EGF: variants seen among roughly 807,000 people sequenced by gnomAD.
EGF encodes pro-epidermal growth factor.
A neutral mutation model predicts 143.8 loss-of-function variants in EGF; 95 were observed. That is an observed-to-expected ratio of 0.66 (90% CI 0.56 to 0.78). The LOEUF (loss-of-function observed/expected upper bound fraction) is 0.78, where lower values mean the gene tolerates loss of function less well. Among genes scored for constraint, EGF ranks in the 30% least tolerant of loss-of-function variants. EGF has a pLI of 0.00. For synonymous variants in EGF, 510 were observed against 510.5 expected (o/e 1.00, Z 0.01); for missense variants, 1,320 against 1,470.9 (o/e 0.90, Z 1.68).
At chr4:109,930,197 G>A (rs1267055940) in intron 1 of EGF, among the ~76,000 whole-genome samples, 1 of 152,082 alleles carries the variant, frequency 6.6e-6, no homozygotes, top group African/African-American at 2.4e-5. Flanking sequence ...CCCAGTCTTG[G>A]GTATTTCTTT....
At chr4:109,943,579 A>T in intron 3 of EGF, 144 bp downstream of exon 3, 1 of 912,028 alleles carries the variant, frequency 1.1e-6, no homozygotes. Context: ...TTTCTATAGG[A>T]CAGTTGCCTG....
chr4:109,940,230 A>T (rs779461646), intron 1 of EGF, among the ~76,000 whole-genome samples: 2 of 152,196 alleles, frequency 1.3e-5, no homozygotes, highest in Non-Finnish European at 2.9e-5. Context: ...CAAGAAATCT[A>T]GTGAGGTTTG....
chr4:109,993,095 A>G (rs183597906), intron 18 of EGF, 152 bp from the exon 19 acceptor site: 1 of 681,146 alleles, frequency 1.5e-6, no homozygotes, highest in African/African-American at 1.9e-5. Context: ...TTTAAGTATA[A>G]TAAAAAATAT....
At chr4:109,989,728 G>C (rs1750666716) in intron 18 of EGF, among the ~76,000 whole-genome samples, 1 of 152,202 alleles carries the variant, frequency 6.6e-6, no homozygotes, top group African/African-American at 2.4e-5. Context: ...TTCCTTTGAA[G>C]AGAAAGGAAG....
At chr4:109,916,894 T>C (rs1216086684) in intron 1 of EGF, among the ~76,000 whole-genome samples, 2 of 152,186 alleles carry the variant, frequency 1.3e-5, no homozygotes, top group Non-Finnish European at 2.9e-5. Context: ...TTAAAAATTA[T>C]AGTCAAAATA....
At chr4:110,001,376 C>T (rs937984975) in intron 21 of EGF, among the ~76,000 whole-genome samples, 8 of 152,204 alleles carry the variant, frequency 5.3e-5, no homozygotes, top group Non-Finnish European at 7.4e-5. Context: ...TCTTGAGAGA[C>T]AAGATTCTTA....
intron 18 of EGF, among the ~76,000 whole-genome samples, chr4:109,992,169 T>TA (rs1751026862): frequency 3.1e-5 from 2 of 64,100 alleles, no homozygotes; most frequent in Non-Finnish European, 5.2e-5. Flanking sequence ...GCAAGATTCT[T>TA]TAAAAAAAAA....
rs562359214 is a variant in EGF, at chr4:109,973,196, G to A, written c.1725-1507G>A. On this transcript the variant is annotated intron_variant, in intron 11 of 23. Coordinates refer to ENST00000265171, the MANE Select transcript of EGF (RefSeq NM_001963.6). ...CAGGGATGCTATAGAGTCATGTTTA[G>A]CATTTAAATTCATCCAGTTTTCTCC... Among the ~76,000 whole-genome samples the A allele has an allele frequency of 8.5e-5, 13 of 152,220 alleles. No homozygotes were observed. The East Asian group carries it at 2.3e-3, about 27-fold the overall frequency.
intron 10 of EGF, among the ~76,000 whole-genome samples, chr4:109,967,142 T>G (rs1344829057): frequency 6.6e-6 from 1 of 152,122 alleles, no homozygotes. Flanking sequence ...AAGAGTTTCT[T>G]TTAGTTCTTC....
intron 1 of EGF, among the ~76,000 whole-genome samples, chr4:109,939,660 T>G (rs1741569830): frequency 6.6e-6 from 1 of 152,192 alleles, no homozygotes; most frequent in African/African-American, 2.4e-5. Context: ...TTGTTCCTAT[T>G]CGGCCATCTT....
chr4:109,933,413 TTC>T (rs1163794030), intron 1 of EGF, among the ~76,000 whole-genome samples: 3 of 137,504 alleles, frequency 2.2e-5, no homozygotes, highest in African/African-American at 7.6e-5. Context: ...CTTGTAGCAT[TTC>T]TTTTTTTTCT....
intron 1 of EGF, among the ~76,000 whole-genome samples, chr4:109,937,267 A>T (rs1351678973): frequency 6.6e-6 from 1 of 150,822 alleles, no homozygotes; most frequent in Non-Finnish European, 1.5e-5. Context: ...TGCTGCATTG[A>T]TCCCTTTACC....
At chr4:110,002,825 C>G (rs1051303052) in intron 21 of EGF, among the ~76,000 whole-genome samples, 3 of 152,170 alleles carry the variant, frequency 2.0e-5, no homozygotes, top group African/African-American at 7.2e-5. Context: ...ACCCTCCACC[C>G]TCAGGTAGCC....
intron 5 of EGF, among the ~76,000 whole-genome samples, chr4:109,947,569 A>G (rs947207656): frequency 1.8e-4 from 27 of 152,272 alleles, no homozygotes; most frequent in African/African-American, 6.5e-4. Flanking sequence ...GGTAGTGTAG[A>G]TAGTCTACAT....
At chr4:109,999,337 T>C (rs1359277151) in intron 20 of EGF, among the ~76,000 whole-genome samples, 4 of 152,196 alleles carry the variant, frequency 2.6e-5, no homozygotes, top group African/African-American at 9.6e-5. Flanking sequence ...CTCCCTTGGC[T>C]CTTAGGGCAG....
chr4:109,978,840 C>G (rs1332854838), intron 13 of EGF, among the ~76,000 whole-genome samples: 1 of 152,088 alleles, frequency 6.6e-6, no homozygotes, highest in Non-Finnish European at 1.5e-5. Flanking sequence ...TCTTAATGAC[C>G]CTGATCAACA....
intron 1 of EGF, among the ~76,000 whole-genome samples, chr4:109,926,156 C>T (rs1159619550): frequency 6.6e-6 from 1 of 152,060 alleles, no homozygotes; most frequent in African/African-American, 2.4e-5. Context: ...AGTTTGTGAC[C>T]AGCCTAGGCA....
chr4:109,968,707 T>TCTATCTATCTAGCTACCTACCTACCTAC lies in EGF; in HGVS notation c.1576-261_1576-260insTCTATCTAGCTACCTACCTACCTACCTA. The TCTATCTATCTAGCTACCTACCTACCTAC allele has an allele frequency of 8.6e-6, 3 of 349,668 alleles. No homozygotes were observed. In the East Asian group the frequency reaches 2.0e-4, roughly 23 times the overall value. 21.7% of individuals were successfully genotyped at this position (349,668 alleles called of 1,614,324 possible). Reference sequence around the variant, plus strand: ...ATCTATCTATCTATCTATCTATCTATCTACCTACCTACCTACCTACCTAAT... The same window carrying TCTATCTATCTAGCTACCTACCTACCTAC: ...ATCTATCTATCTATCTATCTATCTATCTATCTATCTAGCTACCTACCTACCTACCTACCTACCTACCTACCTACCTAAT... On this transcript the variant is annotated intron_variant, in intron 10 of 23. Coordinates refer to ENST00000265171, the MANE Select transcript of EGF (RefSeq NM_001963.6).
Position 109,924,242 on chromosome 4 carries a change from CTT to C in EGF, c.127+10781_127+10782del, listed in dbSNP as rs541956653. Among the ~76,000 whole-genome samples the C allele has an allele frequency of 2.6e-4, 39 of 151,636 alleles. 1 individual carries two copies. The highest frequency in any genetic ancestry group is 9.5e-4 in the African/African-American group (39 of 40,962). ...AGAATATAGCTCAGGACCCTAGACT[CTT>C]ATTCTGTGAAATTTACAATGCACAT... On this transcript the variant is annotated intron_variant, in intron 1 of 23. Transcript: ENST00000265171.
Sources: allele counts gnomAD v4.1 joint callset (sites outside exome capture counted in the v4.1 genomes callset), GRCh38; gene constraint gnomAD v4.1.1; transcripts MANE v1.5; gene names NCBI Gene and HGNC (gene_info 2026-07-23, HGNC 2026-07-21).